FRMD3: variants seen among roughly 807,000 people sequenced by gnomAD.
FRMD3 encodes the protein FERM domain containing 3.
FRMD3 carries 33 observed loss-of-function variants against 70.2 expected under a neutral mutation model. The observed-to-expected ratio is 0.47, with a 90% CI of 0.36 to 0.63. FRMD3 has a LOEUF of 0.63. FRMD3 is among the 20% of genes least tolerant of loss of function. FRMD3 has a pLI of 0.00. For missense variants in FRMD3, 632 were observed against 711.4 expected, an observed-to-expected ratio of 0.89 and a Z score of 1.27; for synonymous variants, 279 against 255.9, an observed-to-expected ratio of 1.09 and a Z score of -0.86.
chr9:83,255,532 G>A (rs1010716443), intron 13 of FRMD3, among the ~76,000 whole-genome samples: 24 of 152,100 alleles, frequency 1.6e-4, no homozygotes, highest in Middle Eastern at 3.2e-3. Context: ...TCTGGCCAGC[G>A]CAATCAGGCA....
At chr9:83,558,525 T>C in the FRMD3 span, among the ~76,000 whole-genome samples, 6 of 152,350 alleles carry the variant, frequency 3.9e-5, no homozygotes, top group African/African-American at 2.4e-5. Context: ...AATGGAGATA[T>C]ATGTGGAGAT....
upstream of FRMD3, among the ~76,000 whole-genome samples, chr9:83,541,923 A>C (rs1830004266): frequency 6.6e-6 from 1 of 152,154 alleles, no homozygotes; most frequent in Non-Finnish European, 1.5e-5. Flanking sequence ...AGACAACCAG[A>C]AACATTTTTT....
At chr9:83,382,333 T>C (rs1564050152) in intron 2 of FRMD3, among the ~76,000 whole-genome samples, 1 of 152,228 alleles carries the variant, frequency 6.6e-6, no homozygotes, top group Non-Finnish European at 1.5e-5. Flanking sequence ...GATTGTTACA[T>C]AGGTAATCAT....
chr9:83,392,386 A>G (rs1825690850), intron 1 of FRMD3, among the ~76,000 whole-genome samples: 1 of 152,188 alleles, frequency 6.6e-6, no homozygotes, highest in African/African-American at 2.4e-5. Context: ...CAGTTCTTGC[A>G]CTAAACAAAA....
rs2118453934 is a variant in FRMD3, at chr9:83,245,581, G to A, written c.*2337C>T. The A allele has an allele frequency of 1.2e-6, 1 of 846,268 alleles. No individual in the cohort carries two copies. The highest frequency in any genetic ancestry group is 5.4e-5 in the South Asian group (1 of 18,464). The allele number at this position is 846,268 out of a possible 1,614,324, so 52.4% of individuals were successfully genotyped here. On this transcript the variant is annotated 3_prime_UTR_variant, in exon 14 of 14. Coordinates refer to ENST00000304195, the MANE Select transcript of FRMD3 (RefSeq NM_174938.6). The stretch of plus-strand genomic sequence containing the variant: ...CTCCTTAAGATAAATCTGCATCGTT[G>A]GATTACATGTGATATTTATACTATC...
chr9:83,445,048 A>G (rs1322300923), intron 1 of FRMD3, among the ~76,000 whole-genome samples: 1 of 152,194 alleles, frequency 6.6e-6, no homozygotes, highest in Non-Finnish European at 1.5e-5. Context: ...ACCACCTATT[A>G]GCCAACTCAA....
chr9:83,525,013 T>C (rs1406831208), intron 1 of FRMD3, among the ~76,000 whole-genome samples: 1 of 152,138 alleles, frequency 6.6e-6, no homozygotes, highest in Non-Finnish European at 1.5e-5. Flanking sequence ...TTGTCCTCTC[T>C]TCTATTAATA....
chr9:83,345,585 G>A lies in FRMD3; in HGVS notation c.375-2298C>T, dbSNP rs1265597836. On this transcript the variant is annotated intron_variant, in intron 4 of 13. Transcript: ENST00000304195. ...ATCCTGGCTAACATGGTGAAACCTC[G>A]TCTCTACTAAAAATACAAAAAATTA... Among the ~76,000 whole-genome samples the A allele has an allele frequency of 3.9e-5, 6 of 151,930 alleles. No homozygotes were observed. The South Asian group carries it at 8.3e-4, about 21-fold the overall frequency.
chr9:83,255,222 CA>C (rs1362786962), intron 13 of FRMD3, among the ~76,000 whole-genome samples: 1 of 152,114 alleles, frequency 6.6e-6, no homozygotes, highest in Non-Finnish European at 1.5e-5. Context: ...AAGGTTGGTT[CA>C]ACATACACAA....
intron 12 of FRMD3, among the ~76,000 whole-genome samples, chr9:83,292,901 T>A (rs1834498462): frequency 6.6e-6 from 1 of 152,120 alleles, no homozygotes; most frequent in African/African-American, 2.4e-5. Context: ...CACCTTAGCC[T>A]CCCAAAGTGC....
chr9:83,487,689 T>C (rs1452526284), intron 1 of FRMD3, among the ~76,000 whole-genome samples: 1 of 152,142 alleles, frequency 6.6e-6, no homozygotes, highest in Non-Finnish European at 1.5e-5. Flanking sequence ...TAACCAAATA[T>C]TACCCTGTGG....
At chr9:83,393,809 C>T (rs528642456) in intron 1 of FRMD3, among the ~76,000 whole-genome samples, 1 of 152,200 alleles carries the variant, frequency 6.6e-6, no homozygotes, top group Non-Finnish European at 1.5e-5. Context: ...CTTGCTTGCC[C>T]GCAGCTCACC....
intron 2 of FRMD3, among the ~76,000 whole-genome samples, chr9:83,383,774 G>A (rs1334137245): frequency 6.6e-6 from 1 of 152,210 alleles, no homozygotes; most frequent in African/African-American, 2.4e-5. Flanking sequence ...TGGCTCAAAT[G>A]AGATAACCAG....
the FRMD3 span, among the ~76,000 whole-genome samples, chr9:83,553,699 C>G: frequency 6.6e-6 from 1 of 152,222 alleles, no homozygotes. Flanking sequence ...TTATTCAGGT[C>G]TGTCAGACCC....
intron 1 of FRMD3, among the ~76,000 whole-genome samples, chr9:83,467,011 T>C (rs765877063): frequency 1.3e-5 from 2 of 152,126 alleles, no homozygotes; most frequent in Non-Finnish European, 2.9e-5. Context: ...TGCAAATAAG[T>C]AACAGACACC....
At chr9:83,527,646 A>G (rs540617893) in intron 1 of FRMD3, among the ~76,000 whole-genome samples, 2 of 152,128 alleles carry the variant, frequency 1.3e-5, no homozygotes, top group Non-Finnish European at 2.9e-5. Context: ...GCCCTTCCCA[A>G]GACTTCCTGA....
chr9:83,365,955 C>T (rs151223697), intron 3 of FRMD3, among the ~76,000 whole-genome samples: 4 of 152,212 alleles, frequency 2.6e-5, no homozygotes, highest in Non-Finnish European at 5.9e-5. Flanking sequence ...GCAGGAACCA[C>T]TGGCCTCAGC....
intron 1 of FRMD3, among the ~76,000 whole-genome samples, chr9:83,408,898 A>G (rs1826200900): frequency 6.6e-6 from 1 of 152,196 alleles, no homozygotes; most frequent in African/African-American, 2.4e-5. Context: ...CAATTTGGAA[A>G]TGGATTTCCC....
intron 10 of FRMD3, among the ~76,000 whole-genome samples, chr9:83,305,245 T>C (rs1219016657): frequency 6.6e-6 from 1 of 152,184 alleles, no homozygotes; most frequent in Non-Finnish European, 1.5e-5. Flanking sequence ...GAGGTTACCA[T>C]AATCAGAGTC....
Sources: gnomAD v4.1 joint callset for allele counts (sites outside exome capture counted in the v4.1 genomes callset) on GRCh38, gnomAD v4.1.1 for gene constraint, MANE v1.5 for transcripts, NCBI Gene and HGNC (gene_info 2026-07-23, HGNC 2026-07-21) for gene names.